Variants in PREP observed in about 807,000 individuals in gnomAD.
PREP encodes prolyl endopeptidase.
Under a neutral mutation model 87.6 loss-of-function variants are expected in PREP, and 29 were observed. That is an observed-to-expected ratio of 0.33 (90% CI 0.25 to 0.45). The LOEUF (loss-of-function observed/expected upper bound fraction) is 0.45. Ranked by LOEUF, PREP falls within the 20% of genes least tolerant of loss-of-function variation. PREP has a pLI of 1.00. For synonymous variants in PREP, 337 were observed against 328.6 expected (o/e 1.03, Z -0.28); for missense variants, 695 against 886.5 (o/e 0.78, Z 2.74).
intron 7 of PREP, among the ~76,000 whole-genome samples, chr6:105,344,139 A>G (rs951648729): frequency 6.6e-6 from 1 of 152,236 alleles, no homozygotes; most frequent in African/African-American, 2.4e-5. Flanking sequence ...CATCAATGAT[A>G]GACTGGATTA....
chr6:105,355,476 A>G (rs893069203), intron 6 of PREP, among the ~76,000 whole-genome samples: 1 of 152,082 alleles, frequency 6.6e-6, no homozygotes, highest in Non-Finnish European at 1.5e-5. Context: ...GTCATTTCTT[A>G]TCTTTGTTTC....
rs1443696625 is a variant in PREP, at chr6:105,274,755, C to G, written c.*3389G>C. 6.6e-6 allele frequency among the ~76,000 whole-genome samples: 1 copy of G among 152,074 alleles called. No individual in the cohort carries two copies. The highest frequency in any genetic ancestry group is 1.5e-5 in the Non-Finnish European group (1 of 68,018). On this transcript the variant is annotated 3_prime_UTR_variant, in exon 15 of 15. Transcript: ENST00000652536. ...TGCACTCCAGCCTGGGCCGTAACAG[C>G]AAAACTCCATCCCAAAAAAAGAGTG...
At chr6:105,379,375 G>A (rs918590520) in intron 2 of PREP, among the ~76,000 whole-genome samples, 1 of 152,148 alleles carries the variant, frequency 6.6e-6, no homozygotes, top group Non-Finnish European at 1.5e-5. Context: ...ACATCAAGGA[G>A]GAAATTGGAT....
intron 7 of PREP, 87 bp from the exon 8 acceptor site, chr6:105,333,592 C>A: frequency 7.7e-7 from 1 of 1,303,248 alleles, no homozygotes; most frequent in Non-Finnish European, 1.1e-6. Flanking sequence ...GTGGATCTTT[C>A]TTATCCTCAA....
At chr6:105,346,660 T>C (rs572876229) in intron 7 of PREP, among the ~76,000 whole-genome samples, 10 of 152,326 alleles carry the variant, frequency 6.6e-5, no homozygotes, top group Admixed American at 3.9e-4. Context: ...TGCTGTGACA[T>C]GAGAAAAGAC....
chr6:105,289,905 T>C lies in PREP; in HGVS notation c.1318-1011A>G. 1.3e-5 allele frequency among the ~76,000 whole-genome samples: 2 copies of C among 152,038 alleles called. 1 individual carries two copies. The highest frequency in any genetic ancestry group is 3.9e-4 in the East Asian group (2 of 5,182). On this transcript the variant is annotated intron_variant, in intron 10 of 14. Transcript: ENST00000652536. ...TAGCTTTTTAAGGTAGCAGTTCTGTTGCGCAAAGTTGCCACAAAGTCCATA... is the reference window on the plus strand; with the variant it reads ...TAGCTTTTTAAGGTAGCAGTTCTGTCGCGCAAAGTTGCCACAAAGTCCATA...
chr6:105,312,697 T>G (rs1170639704), intron 10 of PREP, among the ~76,000 whole-genome samples: 2 of 152,224 alleles, frequency 1.3e-5, no homozygotes, highest in Non-Finnish European at 2.9e-5. Context: ...TGCTTTACAC[T>G]GAGCTCCCAG....
chr6:105,309,428 C>T (rs1583047535), intron 10 of PREP, among the ~76,000 whole-genome samples: 2 of 152,238 alleles, frequency 1.3e-5, no homozygotes, highest in East Asian at 3.9e-4. Context: ...CGACTCACCG[C>T]AAACTCTGCC....
At chr6:105,350,317 G>T (rs1248206292) in intron 7 of PREP, among the ~76,000 whole-genome samples, 1 of 151,874 alleles carries the variant, frequency 6.6e-6, no homozygotes, top group East Asian at 1.9e-4. Flanking sequence ...CTATGAAGTA[G>T]ATATTATTTC....
intron 2 of PREP, among the ~76,000 whole-genome samples, chr6:105,381,933 C>T (rs890556754): frequency 6.6e-6 from 1 of 152,158 alleles, no homozygotes; most frequent in South Asian, 2.1e-4. Flanking sequence ...AAAGGGGTGG[C>T]TTAATTTGGG....
At chr6:105,310,312 G>A (rs1045825334) in intron 10 of PREP, among the ~76,000 whole-genome samples, 6 of 152,232 alleles carry the variant, frequency 3.9e-5, no homozygotes, top group Middle Eastern at 3.4e-3. Context: ...TAAAAGCATA[G>A]CTAATTCTCC....
chr6:105,348,354 A>G (rs1177896350), intron 7 of PREP, among the ~76,000 whole-genome samples: 1 of 152,246 alleles, frequency 6.6e-6, no homozygotes, highest in Admixed American at 6.5e-5. Flanking sequence ...CCACCTGAGC[A>G]CAAGGATCCC....
chr6:105,332,748 G>C (rs527484709), intron 8 of PREP, among the ~76,000 whole-genome samples: 1 of 152,270 alleles, frequency 6.6e-6, no homozygotes, highest in South Asian at 2.1e-4. Context: ...ATGAATAAAA[G>C]GGAACAAAAA....
At chr6:105,362,916 G>C (rs1448155463) in intron 6 of PREP, among the ~76,000 whole-genome samples, 1 of 152,200 alleles carries the variant, frequency 6.6e-6, no homozygotes, top group Non-Finnish European at 1.5e-5. Flanking sequence ...TTCTGTGTCT[G>C]TTCTGGAAGG....
chr6:105,333,317 A>G lies in PREP; in HGVS notation c.1012T>C (p.Leu338=), dbSNP rs963833976. 6.2e-7 allele frequency: 1 copy of G among 1,613,606 alleles called. No individual in the cohort carries two copies. The highest frequency in any genetic ancestry group is 1.3e-5 in the African/African-American group (1 of 75,034). ...TTCAAGTCACATGTGTTCTCACCTA[A>G]GACATCTTTCTCATGCTCAGGAACA... ...VLVPEHEKDV[L]EWIACVRSNF... Residue 338 remains leucine (L), a synonymous_variant, in exon 8 of 15, where the codon TTA becomes CTA. Coordinates refer to ENST00000652536, the MANE Select transcript of PREP (RefSeq NM_002726.5).
intron 10 of PREP, among the ~76,000 whole-genome samples, chr6:105,306,483 A>G (rs1770661284): frequency 6.6e-6 from 1 of 152,142 alleles, no homozygotes; most frequent in East Asian, 1.9e-4. Context: ...CACATGGTCA[A>G]TCCACTGCTA....
intron 10 of PREP, among the ~76,000 whole-genome samples, chr6:105,322,063 C>T (rs1771025630): frequency 6.6e-6 from 1 of 151,932 alleles, no homozygotes; most frequent in African/African-American, 2.4e-5. Flanking sequence ...CTGATAGGGA[C>T]ACATTTTCTA....
At chr6:105,365,212 A>T (rs1772357067) in intron 6 of PREP, among the ~76,000 whole-genome samples, 1 of 152,178 alleles carries the variant, frequency 6.6e-6, no homozygotes. Flanking sequence ...ATGCCACGGC[A>T]CTCCGCCCTG....
intron 1 of PREP, among the ~76,000 whole-genome samples, chr6:105,399,851 C>T (rs1219785086): frequency 1.3e-5 from 2 of 152,158 alleles, no homozygotes; most frequent in South Asian, 4.1e-4. Context: ...AGAACCAGAC[C>T]TGGGACTAAA....
Sources: allele counts gnomAD v4.1 joint callset (sites outside exome capture counted in the v4.1 genomes callset), GRCh38; gene constraint gnomAD v4.1.1; transcripts MANE v1.5; gene names NCBI Gene and HGNC (gene_info 2026-07-23, HGNC 2026-07-21).